The following DGKI variants were observed in gnomAD, a reference collection of about 807,000 sequenced individuals.
The protein encoded by DGKI is diacylglycerol kinase iota, also known as DAG kinase iota.
In DGKI, 55 loss-of-function variants were observed where a neutral mutation model predicts 147.5. The observed-to-expected ratio is 0.37, with a 90% CI of 0.30 to 0.47. DGKI has a LOEUF of 0.47. Among genes scored for constraint, DGKI ranks in the 20% least tolerant of loss-of-function variants. The probability of loss-of-function intolerance (pLI) is 1.00; values close to 1 mark genes in which losing one functional copy is unlikely to be tolerated. For missense variants in DGKI, 1,007 were observed against 1,323.8 expected, an observed-to-expected ratio of 0.76 and a Z score of 3.71; for synonymous variants, 469 against 477.1, an observed-to-expected ratio of 0.98 and a Z score of 0.22.
intron 27 of DGKI, among the ~76,000 whole-genome samples, chr7:137,447,539 A>G (rs1813762767): frequency 6.6e-6 from 1 of 152,242 alleles, no homozygotes; most frequent in Non-Finnish European, 1.5e-5. Context: ...AGGAAGGAGA[A>G]GAACTCCAGG....
chr7:137,761,781 T>C (rs988791746), intron 1 of DGKI, among the ~76,000 whole-genome samples: 6 of 152,228 alleles, frequency 3.9e-5, no homozygotes, highest in African/African-American at 1.4e-4. Flanking sequence ...CAAATCTCTA[T>C]GTTCCTCCAG....
At chr7:137,471,581 A>T (rs1417575404) in intron 23 of DGKI, among the ~76,000 whole-genome samples, 2 of 152,272 alleles carry the variant, frequency 1.3e-5, no homozygotes, top group East Asian at 3.9e-4. Flanking sequence ...CAGAAGCACT[A>T]TGGGTGGAAC....
intron 23 of DGKI, among the ~76,000 whole-genome samples, chr7:137,479,684 A>C (rs1429831283): frequency 6.6e-6 from 1 of 152,182 alleles, no homozygotes; most frequent in Non-Finnish European, 1.5e-5. Flanking sequence ...AAATTGAGAA[A>C]AGACATAAAC....
At chr7:137,540,013 G>C (rs111660377) in intron 20 of DGKI, among the ~76,000 whole-genome samples, 1 of 152,070 alleles carries the variant, frequency 6.6e-6, no homozygotes, top group African/African-American at 2.4e-5. Flanking sequence ...CAAATACTTC[G>C]AGCAACTATA....
chr7:137,711,196 T>C (rs1794199844), intron 1 of DGKI, among the ~76,000 whole-genome samples: 1 of 152,210 alleles, frequency 6.6e-6, no homozygotes, highest in Non-Finnish European at 1.5e-5. Context: ...AACAGCTTGC[T>C]GTTCTATAGG....
intron 1 of DGKI, among the ~76,000 whole-genome samples, chr7:137,796,465 A>C (rs1351901729): frequency 1.3e-5 from 2 of 151,918 alleles, no homozygotes; most frequent in African/African-American, 4.8e-5. Context: ...GCACCACTGC[A>C]CTCCAGCCTG....
At position 137,795,497 on chromosome 7, in the gene DGKI, G is replaced by T. The variant is rs374388084; in HGVS notation, c.401+50965C>A. On this transcript the variant is annotated intron_variant, in intron 1 of 32. Transcript: ENST00000614521. The stretch of plus-strand genomic sequence containing the variant: ...CTGTACCCAGGGGATTTTTCCAAAA[G>T]AATCAGGAATTGTTTAATATCATAG... Among the ~76,000 whole-genome samples the T allele has an allele frequency of 7.2e-5, 11 of 152,224 alleles. No homozygotes were observed. In the East Asian group the frequency reaches 7.7e-4, roughly 11 times the overall value.
intron 14 of DGKI, among the ~76,000 whole-genome samples, chr7:137,584,582 C>T (rs1029080461): frequency 6.6e-6 from 1 of 152,210 alleles, no homozygotes; most frequent in African/African-American, 2.4e-5. Flanking sequence ...GATTGAAAAC[C>T]TGTTGGTTAA....
chr7:137,693,094 C>T (rs1823666163), intron 1 of DGKI, among the ~76,000 whole-genome samples: 1 of 152,108 alleles, frequency 6.6e-6, no homozygotes, highest in African/African-American at 2.4e-5. Context: ...TTTATTATAT[C>T]TCAGACCTCA....
chr7:137,796,907 A>C (rs1797052164), intron 1 of DGKI, among the ~76,000 whole-genome samples: 1 of 152,236 alleles, frequency 6.6e-6, no homozygotes. Flanking sequence ...TGACAAAATA[A>C]AGTCTGAAAA....
intron 10 of DGKI, 61 bp downstream of exon 10, chr7:137,608,905 G>A (rs1585281526): frequency 7.8e-7 from 1 of 1,286,334 alleles, no homozygotes; most frequent in Non-Finnish European, 1.1e-6. Context: ...TTGGCAGTGA[G>A]AGTTGTGTCG....
At chr7:137,435,930 C>A (rs1376218349) in intron 28 of DGKI, among the ~76,000 whole-genome samples, 2 of 152,106 alleles carry the variant, frequency 1.3e-5, no homozygotes, top group Non-Finnish European at 2.9e-5. Context: ...CAGGCATGCA[C>A]CATCATGTCA....
intron 20 of DGKI, among the ~76,000 whole-genome samples, chr7:137,528,112 C>T (rs922319574): frequency 3.3e-5 from 5 of 152,158 alleles, no homozygotes; most frequent in Admixed American, 1.3e-4. Context: ...GGTTCTGATG[C>T]TATAGCACAG....
chr7:137,506,701 G>A (rs554332121), intron 21 of DGKI, among the ~76,000 whole-genome samples: 4 of 152,162 alleles, frequency 2.6e-5, no homozygotes, highest in South Asian at 4.2e-4. Flanking sequence ...GATAGGTTGC[G>A]GTAGGGGAGG....
chr7:137,628,622 G>C (rs1007133531), intron 6 of DGKI, among the ~76,000 whole-genome samples: 1 of 152,184 alleles, frequency 6.6e-6, no homozygotes, highest in African/African-American at 2.4e-5. Context: ...ATTTTTAAGA[G>C]CTGTTTAGTT....
At chr7:137,520,222 A>T (rs931282112) in intron 21 of DGKI, among the ~76,000 whole-genome samples, 19 of 152,060 alleles carry the variant, frequency 1.2e-4, no homozygotes, top group African/African-American at 4.1e-4. Flanking sequence ...TCCAAATTGA[A>T]TTTCTTCAGA....
intron 3 of DGKI, among the ~76,000 whole-genome samples, chr7:137,659,365 C>G (rs1251031939): frequency 6.6e-6 from 1 of 152,126 alleles, no homozygotes; most frequent in African/African-American, 2.4e-5. Flanking sequence ...TCACTGACTT[C>G]ACGGTGTATG....
intron 19 of DGKI, among the ~76,000 whole-genome samples, chr7:137,567,732 ATATT>A (rs1170707548): frequency 6.6e-6 from 1 of 152,238 alleles, no homozygotes; most frequent in Non-Finnish European, 1.5e-5. Context: ...CTCTGAGTAA[ATATT>A]TAGTGATATT....
chr7:137,418,711 T>C (rs924455464), intron 28 of DGKI, among the ~76,000 whole-genome samples: 2 of 151,706 alleles, frequency 1.3e-5, no homozygotes, highest in African/African-American at 2.4e-5. Context: ...AGCAGTCAGC[T>C]AACTCTTTTT....
Sources: allele counts gnomAD v4.1 joint callset (sites outside exome capture counted in the v4.1 genomes callset), GRCh38; gene constraint gnomAD v4.1.1; transcripts MANE v1.5; gene names NCBI Gene and HGNC (gene_info 2026-07-23, HGNC 2026-07-21).